The following FUCA2 variants were observed in gnomAD, a reference collection of about 807,000 sequenced individuals.
FUCA2 encodes plasma alpha-L-fucosidase.
FUCA2 carries 41 observed loss-of-function variants against 52.6 expected under a neutral mutation model. The observed-to-expected ratio is 0.78, with a 90% CI of 0.61 to 1.01. The LOEUF (loss-of-function observed/expected upper bound fraction) is 1.01, where lower values mean the gene tolerates loss of function less well. FUCA2 is among the 50% of genes least tolerant of loss of function. The probability of loss-of-function intolerance (pLI) is 0.00; values close to 1 mark genes in which losing one functional copy is unlikely to be tolerated. For synonymous variants in FUCA2, 211 were observed against 217.3 expected (o/e 0.97, Z 0.26); for missense variants, 507 against 569.5 (o/e 0.89, Z 1.12).
rs1305355790 is a variant in FUCA2 at position 143,510,817 on chromosome 6, T to G, written c.224+594A>C. The stretch of plus-strand genomic sequence containing the variant: ...AGGTAAAATCTAACGCACAGATTTT[T>G]GTGTAGCACCTTTCATACGGCAGTA... On this transcript the variant is annotated intron_variant, in intron 1 of 6. Coordinates refer to ENST00000002165, the MANE Select transcript of FUCA2 (RefSeq NM_032020.5). This position sits in a 1 kb window ranked among gnomAD's most constrained non-coding sequence, Gnocchi z 4.4. Among the ~76,000 whole-genome samples, 2 of 152,100 alleles carry G rather than the reference T, an allele frequency of 1.3e-5. No individual in the cohort carries two copies. Among genetic ancestry groups the G allele is most frequent in the African/African-American group, 2.4e-5 (1 of 41,450 alleles).
rs1345565596 is a variant in FUCA2 at position 143,510,925 on chromosome 6, TTAAG to T, written c.224+482_224+485del. On this transcript the variant is annotated intron_variant, in intron 1 of 6. Transcript: ENST00000002165. This position sits in a 1 kb window ranked among gnomAD's most constrained non-coding sequence, Gnocchi z 4.4. ...GCCACACATGGGTAACATGTTAACA[TTAAG>T]TAGCCAATGGTGTTCAATGAACAGT... 6.6e-6 allele frequency among the ~76,000 whole-genome samples: 1 copy of T among 152,134 alleles called. No homozygotes were observed. Among genetic ancestry groups the T allele is most frequent in the Non-Finnish European group, 1.5e-5 (1 of 68,032 alleles).
chr6:143,495,558 A>G lies in FUCA2; in HGVS notation c.*149T>C. 1.3e-6 allele frequency: 1 copy of G among 780,710 alleles called. No individual in the cohort carries two copies. Among genetic ancestry groups the G allele is most frequent in the Non-Finnish European group, 1.9e-6 (1 of 530,430 alleles). The allele number at this position is 780,710 out of a possible 1,614,324, so 48.4% of individuals were successfully genotyped here. ...TGGTTACATGGGTAATTTAAGAAAAAATTTAGTGGGAAAAAGGGAAAGGGC... is the reference window on the plus strand; with the variant it reads ...TGGTTACATGGGTAATTTAAGAAAAGATTTAGTGGGAAAAAGGGAAAGGGC... On this transcript the variant is annotated 3_prime_UTR_variant, in exon 7 of 7. Coordinates refer to ENST00000002165, the MANE Select transcript of FUCA2 (RefSeq NM_032020.5). This position sits in a 1 kb window ranked among gnomAD's most constrained non-coding sequence, Gnocchi z 5.2.
rs150307909 is a variant in FUCA2 at position 143,495,786 on chromosome 6, A to T, written c.1325T>A (p.Met442Lys). ...NWISLEQNGI[M>K]VELPQLTIHQ... is the part of the protein sequence containing the mutation. ...AATGGTTAGCTGTGGCAGTTCTACC[A>T]TAATGCCATTTTGCTCCAAAGAAAT... Residue 442 changes from methionine to lysine, a missense_variant, in exon 7 of 7, where the codon ATG becomes AAG. Physicochemically the swap from Met to Lys is moderately conservative, Grantham distance 95 (BLOSUM62 -1). Coordinates refer to ENST00000002165, the MANE Select transcript of FUCA2 (RefSeq NM_032020.5). The surrounding 1 kb of genome is among the most constrained non-coding windows in gnomAD (Gnocchi z 5.2). 6.2e-7 allele frequency: 1 copy of T among 1,613,860 alleles called. No homozygotes were observed. The highest frequency in any genetic ancestry group is 1.1e-5 in the South Asian group (1 of 91,078).
In FUCA2 at chr6:143,497,884, C is replaced by T. The variant is rs921951107; in HGVS notation, c.1155-387G>A. Among the ~76,000 whole-genome samples, 8 of 152,198 alleles carry T rather than the reference C, an allele frequency of 5.3e-5. No homozygotes were observed. The highest frequency in any genetic ancestry group is 1.7e-4 in the African/African-American group (7 of 41,458). On this transcript the variant is annotated intron_variant, in intron 5 of 6. Coordinates refer to ENST00000002165, the MANE Select transcript of FUCA2 (RefSeq NM_032020.5). This position sits in a 1 kb window ranked among gnomAD's most constrained non-coding sequence, Gnocchi z 5.3. ...GCATGTGTCAATTCTGTGCCTAGTA[C>T]TGTGCTCAGTGTTAGAGTTACAATA...
rs993587999 is a variant in FUCA2, at chr6:143,499,752, A to T, written c.1154+2180T>A. On this transcript the variant is annotated intron_variant, in intron 5 of 6. Transcript: ENST00000002165. This position sits in a 1 kb window ranked among gnomAD's most constrained non-coding sequence, Gnocchi z 6.0. Reference sequence around the variant, plus strand: ...CACTGGAACTGGCAAGGCAGATGTTATTGTGGGCCTTGAGAAGAGCAATTC... The same window carrying T: ...CACTGGAACTGGCAAGGCAGATGTTTTTGTGGGCCTTGAGAAGAGCAATTC... Among the ~76,000 whole-genome samples, 2 of 152,218 alleles carry T rather than the reference A, an allele frequency of 1.3e-5. No individual in the cohort carries two copies. Among genetic ancestry groups the T allele is most frequent in the African/African-American group, 4.8e-5 (2 of 41,456 alleles).
In FUCA2 at chr6:143,503,980, C is replaced by G. The variant is rs370153824; in HGVS notation, c.685G>C (p.Gly229Arg). The G allele has an allele frequency of 6.2e-7, 1 of 1,614,038 alleles. No homozygotes were observed. The highest frequency in any genetic ancestry group is 1.3e-5 in the African/African-American group (1 of 74,920). The change falls in exon 3 of 7, where the codon GGT becomes CGT. Residue 229 changes from glycine to arginine, a missense_variant. Coordinates refer to ENST00000002165, the MANE Select transcript of FUCA2 (RefSeq NM_032020.5). This position sits in a 1 kb window ranked among gnomAD's most constrained non-coding sequence, Gnocchi z 4.8. ...TATTGATCCGGTGCTCCTCCGTCAC[C>G]ATCCGACCACAGAACCTCAGGCTGA... ...NYQPEVLWSD[G>R]DGGAPDQYWN...
At chr6:143,508,662 C>T (rs977361069) in intron 1 of FUCA2, among the ~76,000 whole-genome samples, 6 of 152,202 alleles carry the variant, frequency 3.9e-5, no homozygotes, top group African/African-American at 1.4e-4. Flanking sequence ...ACTGGCCTTC[C>T]TGCCTTTGGG....
In FUCA2 at chr6:143,501,033, GT is replaced by G. The variant is rs1177865671; in HGVS notation, c.1154+898del. ...CACAATAGAATAATGGTTAATGATT[GT>G]GAAGTCCCAGATCAGATACCCTCAT... is the stretch of plus-strand genomic sequence containing the variant. On this transcript the variant is annotated intron_variant, in intron 5 of 6. Coordinates refer to ENST00000002165, the MANE Select transcript of FUCA2 (RefSeq NM_032020.5). This position sits in a 1 kb window ranked among gnomAD's most constrained non-coding sequence, Gnocchi z 6.1. 5.9e-5 allele frequency among the ~76,000 whole-genome samples: 9 copies of G among 152,158 alleles called. No individual in the cohort carries two copies. Among genetic ancestry groups the G allele is most frequent in the African/African-American group, 2.2e-4 (9 of 41,428 alleles).
chr6:143,508,742 G>A (rs1358287656), intron 1 of FUCA2, among the ~76,000 whole-genome samples: 1 of 152,202 alleles, frequency 6.6e-6, no homozygotes, highest in East Asian at 1.9e-4. Context: ...CCCAGGCTGA[G>A]GATGAAAGAA....
intron 5 of FUCA2, among the ~76,000 whole-genome samples, chr6:143,498,022 T>G (rs1383099423): frequency 6.6e-6 from 1 of 152,002 alleles, no homozygotes; most frequent in Non-Finnish European, 1.5e-5. Context: ...ATAAGCACCA[T>G]GAAAGAAAAG....
rs917570498 is a variant in FUCA2, at chr6:143,507,816, C to T, written c.225-392G>A. 4.6e-5 allele frequency among the ~76,000 whole-genome samples: 7 copies of T among 151,900 alleles called. No individual in the cohort carries two copies. Among genetic ancestry groups the T allele is most frequent in the Admixed American group, 2.6e-4 (4 of 15,248 alleles). ...TCCTGAGTAGCTAGGACCACAGGCA[C>T]GTGCCACCACACCTGGCTATTTTTT... On this transcript the variant is annotated intron_variant, in intron 1 of 6. Coordinates refer to ENST00000002165, the MANE Select transcript of FUCA2 (RefSeq NM_032020.5). This position sits in a 1 kb window ranked among gnomAD's most constrained non-coding sequence, Gnocchi z 4.5.
intron 1 of FUCA2, among the ~76,000 whole-genome samples, chr6:143,508,045 G>A (rs1415224904): frequency 6.6e-6 from 1 of 152,156 alleles, no homozygotes; most frequent in Non-Finnish European, 1.5e-5. Flanking sequence ...TGTAACATAA[G>A]TGATTAGGGC....
chr6:143,511,374 A>G lies in FUCA2; in HGVS notation c.224+37T>C. ...TGGCTGGAGGCTGCGGGTGGGGACA[A>G]AAGCGCGGCAGACGAGACAAAAGGG... On this transcript the variant is annotated intron_variant, in intron 1 of 6. Transcript: ENST00000002165. The surrounding 1 kb of genome is among the most constrained non-coding windows in gnomAD (Gnocchi z 6.3). 6.4e-7 allele frequency: 1 copy of G among 1,555,532 alleles called. No individual in the cohort carries two copies. Among genetic ancestry groups the G allele is most frequent in the Non-Finnish European group, 8.7e-7 (1 of 1,143,818 alleles).
Position 143,497,526 on chromosome 6 carries a change from A to G in FUCA2, c.1155-29T>C, listed in dbSNP as rs369469343. On this transcript the variant is annotated intron_variant, in intron 5 of 6. Transcript: ENST00000002165. The surrounding 1 kb of genome is among the most constrained non-coding windows in gnomAD (Gnocchi z 5.3). ...GTTAAAAGAAAAAAATAAAGAGCATAGTAGCAAGTTACATCCCATGTTTCT... is the reference window on the plus strand; with the variant it reads ...GTTAAAAGAAAAAAATAAAGAGCATGGTAGCAAGTTACATCCCATGTTTCT... The G allele has an allele frequency of 2.4e-6, 3 of 1,242,654 alleles. No individual in the cohort carries two copies. The African/African-American group carries it at 4.5e-5, about 18-fold the overall frequency. The allele number at this position is 1,242,654 out of a possible 1,614,324, so 77.0% of individuals were successfully genotyped here. A position where few individuals can be genotyped will look rare whatever the true frequency, so the allele number is the denominator to read the frequency against.
intron 2 of FUCA2, chr6:143,506,650 A>T (rs910383312): frequency 6.6e-6 from 1 of 152,182 alleles, no homozygotes; most frequent in Non-Finnish European, 1.5e-5. Context: ...AATGGATTTT[A>T]AATGTGTGGG....
rs1780552712 is a variant in FUCA2 at position 143,503,114 on chromosome 6, G to T, written c.753-549C>A. 1 of 153,368 alleles carries T rather than the reference G, an allele frequency of 6.5e-6. No individual in the cohort carries two copies. The highest frequency in any genetic ancestry group is 2.4e-5 in the African/African-American group (1 of 41,438). The allele number at this position is 153,368 out of a possible 1,614,324, so 9.5% of individuals were successfully genotyped here. ...CATAGCAGGTGGCATATTTAAGAGG[G>T]AAATACACGCCACATAGAGGGAACA... On this transcript the variant is annotated intron_variant, in intron 3 of 6. Transcript: ENST00000002165. This position sits in a 1 kb window ranked among gnomAD's most constrained non-coding sequence, Gnocchi z 4.8.
In FUCA2 at chr6:143,495,750, G is replaced by T. The variant is rs200632280; in HGVS notation, c.1361C>A (p.Pro454Gln). 6.8e-6 allele frequency: 11 copies of T among 1,614,018 alleles called. No individual in the cohort carries two copies. Among genetic ancestry groups the T allele is most frequent in the Non-Finnish European group, 9.3e-6 (11 of 1,179,968 alleles). Reference sequence around the variant, plus strand: ...GGCTAGAGCCCAGCCCCATTTACACGGCATCTGATGAATGGTTAGCTGTGG... The same window carrying T: ...GGCTAGAGCCCAGCCCCATTTACACTGCATCTGATGAATGGTTAGCTGTGG... ...ELPQLTIHQM[P>Q]CKWGWALALT... Residue 454 changes from proline (P) to glutamine (Q), a missense_variant, in exon 7 of 7, where the codon CCG (proline) becomes CAG (glutamine). By Grantham distance (76) the Pro-to-Gln change is moderately conservative. Transcript: ENST00000002165. The surrounding 1 kb of genome is among the most constrained non-coding windows in gnomAD (Gnocchi z 5.2).
In FUCA2 at chr6:143,507,416, C is replaced by T. The variant is rs772704944; in HGVS notation, c.233G>A (p.Trp78Ter). Reference protein sequence around the residue: ...SFGSEWFWWYWQKEKIPKYVE... With the variant: ...SFGSEWFWWY ...ATACTTCGGTATCTTTTCCTTTTGC[C>T]AATACCACCTAAGGGGAGGAAAGGA... The change falls in exon 2 of 7, where the codon TGG becomes TAG. Residue 78 changes from tryptophan (W) to a stop codon, truncating the protein, a stop_gained. Coordinates refer to ENST00000002165, the MANE Select transcript of FUCA2 (RefSeq NM_032020.5). LOFTEE classifies it high-confidence loss of function. This position sits in a 1 kb window ranked among gnomAD's most constrained non-coding sequence, Gnocchi z 4.5. The T allele has an allele frequency of 8.8e-6, 14 of 1,592,876 alleles. No homozygotes were observed. The Admixed American group carries it at 2.0e-4, about 23-fold the overall frequency.
Position 143,500,714 on chromosome 6 carries a change from G to A in FUCA2, c.1154+1218C>T, listed in dbSNP as rs1331641652. ...CGGACAAGACCCCTAGAAGACAGGA[G>A]GTGCAGGTAATTAGAACTGTGAATA... On this transcript the variant is annotated intron_variant, in intron 5 of 6. Transcript: ENST00000002165. The surrounding 1 kb of genome is among the most constrained non-coding windows in gnomAD (Gnocchi z 6.9). Among the ~76,000 whole-genome samples, 1 of 152,150 alleles carries A rather than the reference G, an allele frequency of 6.6e-6. No homozygotes were observed. Among genetic ancestry groups the A allele is most frequent in the Non-Finnish European group, 1.5e-5 (1 of 68,028 alleles).
Sources: allele counts gnomAD v4.1 joint callset (sites outside exome capture counted in the v4.1 genomes callset), GRCh38; gene constraint gnomAD v4.1.1; non-coding constraint Gnocchi (gnomAD v3.1); transcripts MANE v1.5; gene names NCBI Gene and HGNC (gene_info 2026-07-23, HGNC 2026-07-21).